The following DNAJC1 variants were observed in gnomAD, a reference collection of about 807,000 sequenced individuals.
DNAJC1 encodes the protein DnaJ heat shock protein family (Hsp40) member C1.
DNAJC1 carries 58 observed loss-of-function variants against 76.6 expected under a neutral mutation model. That is an observed-to-expected ratio of 0.76 (90% CI 0.61 to 0.94). The LOEUF (loss-of-function observed/expected upper bound fraction) is 0.94. Among genes scored for constraint, DNAJC1 ranks in the 40% least tolerant of loss-of-function variants. The probability of loss-of-function intolerance (pLI) is 0.00; values close to 1 mark genes in which losing one functional copy is unlikely to be tolerated. For missense variants in DNAJC1, 689 were observed against 677.3 expected, an observed-to-expected ratio of 1.02 and a Z score of -0.19; for synonymous variants, 258 against 267.9, an observed-to-expected ratio of 0.96 and a Z score of 0.36.
At chr10:21,959,329 T>C (rs1660164491) in intron 1 of DNAJC1, among the ~76,000 whole-genome samples, 1 of 151,628 alleles carries the variant, frequency 6.6e-6, no homozygotes, top group Non-Finnish European at 1.5e-5. Flanking sequence ...GGTTTCACCA[T>C]GTTGGCCAGG....
At chr10:21,977,586 A>C (rs1387596898) in intron 1 of DNAJC1, among the ~76,000 whole-genome samples, 3 of 152,188 alleles carry the variant, frequency 2.0e-5, no homozygotes, top group African/African-American at 7.2e-5. Flanking sequence ...TTTGAACTTG[A>C]GTTTAGAATT....
At chr10:21,821,843 GA>G (rs879615253) in intron 8 of DNAJC1, among the ~76,000 whole-genome samples, 308 of 127,460 alleles carry the variant, frequency 2.4e-3, no homozygotes, top group East Asian at 5.0e-3. Flanking sequence ...ACCTATTCAG[GA>G]AAAAAAAAAA....
At position 22,003,722 on chromosome 10, in the gene DNAJC1, C is replaced by A; in HGVS notation, c.-288G>T. The A allele has an allele frequency of 3.0e-6, 1 of 336,812 alleles. No homozygotes were observed. The highest frequency in any genetic ancestry group is 5.3e-6 in the Non-Finnish European group (1 of 187,610). The allele number at this position is 336,812 out of a possible 1,614,324, so 20.9% of individuals were successfully genotyped here. On this transcript the variant is annotated 5_prime_UTR_variant, in exon 1 of 12. Coordinates refer to ENST00000376980, the MANE Select transcript of DNAJC1 (RefSeq NM_022365.4). ...GTAGAGGCAGCGCCCGGCGCCTGGG[C>A]TGCACAGTGGGTGAGGCTTCCCTTC...
chr10:21,932,923 G>A (rs1368096486), intron 1 of DNAJC1, among the ~76,000 whole-genome samples: 3 of 152,152 alleles, frequency 2.0e-5, no homozygotes, highest in Non-Finnish European at 2.9e-5. Context: ...ATTAGCCAGT[G>A]CTGAATGGGG....
At chr10:21,898,808 T>A (rs1393222345) in intron 7 of DNAJC1, among the ~76,000 whole-genome samples, 1 of 151,490 alleles carries the variant, frequency 6.6e-6, no homozygotes, top group Non-Finnish European at 1.5e-5. Context: ...TTCCTAACAT[T>A]ACTTTAGAGA....
chr10:21,975,632 A>G, intron 1 of DNAJC1, among the ~76,000 whole-genome samples: 1 of 152,156 alleles, frequency 6.6e-6, no homozygotes. Flanking sequence ...AGTGTTTCAT[A>G]CTAGCTATCT....
rs779064120 is a variant in DNAJC1 at position 21,919,820 on chromosome 10, A to C, written c.635+12T>G. On this transcript the variant is annotated intron_variant, in intron 5 of 11. Transcript: ENST00000376980. ...CAGCTTCAAATTATAAAGTATTTTT[A>C]TATGCTCTCACCTTTCATTTTTTTC... 8 of 1,570,650 alleles carry C rather than the reference A, an allele frequency of 5.1e-6. No homozygotes were observed. Among genetic ancestry groups the C allele is most frequent in the Non-Finnish European group, 6.9e-6 (8 of 1,153,512 alleles).
chr10:21,947,665 C>T (rs1424107202), intron 1 of DNAJC1, among the ~76,000 whole-genome samples: 1 of 152,118 alleles, frequency 6.6e-6, no homozygotes, highest in African/African-American at 2.4e-5. Context: ...GCTGGGGGAT[C>T]GGCACCCCTA....
chr10:21,785,063 AAG>A (rs1834587520), intron 9 of DNAJC1, among the ~76,000 whole-genome samples: 1 of 152,174 alleles, frequency 6.6e-6, no homozygotes, highest in Non-Finnish European at 1.5e-5. Flanking sequence ...TAAAAGAAAA[AAG>A]AAAAAAAATC....
intron 6 of DNAJC1, among the ~76,000 whole-genome samples, chr10:21,917,092 G>A (rs1406701285): frequency 6.6e-6 from 1 of 151,946 alleles, no homozygotes; most frequent in African/African-American, 2.4e-5. Context: ...ATACCATCAA[G>A]TAAGTAAAAA....
At chr10:21,876,824 CA>C (rs2131715891) in intron 8 of DNAJC1, among the ~76,000 whole-genome samples, 1 of 152,230 alleles carries the variant, frequency 6.6e-6, no homozygotes, top group African/African-American at 2.4e-5. Context: ...TGTAGCAGGC[CA>C]AGGGTTTGGA....
intron 1 of DNAJC1, among the ~76,000 whole-genome samples, chr10:21,959,800 C>CAAA (rs199556961): frequency 0.026 from 3,549 of 138,850 alleles, 64 homozygotes; most frequent in Middle Eastern, 0.091. Context: ...AAAACAAAAA[C>CAAA]AAAAAAAAAA....
intron 1 of DNAJC1, among the ~76,000 whole-genome samples, chr10:21,974,051 G>A (rs1258670928): frequency 1.3e-5 from 2 of 148,952 alleles, no homozygotes; most frequent in African/African-American, 2.5e-5. Context: ...GCAGTGAGCC[G>A]AGATCACGCC....
intron 1 of DNAJC1, among the ~76,000 whole-genome samples, chr10:21,996,483 T>C (rs936890152): frequency 3.3e-5 from 5 of 152,224 alleles, no homozygotes; most frequent in African/African-American, 1.2e-4. Context: ...AATATGATTG[T>C]GAAATTAACC....
chr10:21,782,184 T>C (rs142425359), intron 9 of DNAJC1, among the ~76,000 whole-genome samples: 1 of 151,888 alleles, frequency 6.6e-6, no homozygotes, highest in South Asian at 2.1e-4. Context: ...ATCAAATAGA[T>C]GCAATAAAAA....
chr10:21,845,358 T>C (rs1279824700), intron 8 of DNAJC1, among the ~76,000 whole-genome samples: 1 of 34,938 alleles, frequency 2.9e-5, no homozygotes, highest in Non-Finnish European at 1.3e-4. Flanking sequence ...AATTAGAACT[T>C]TTTTTTTTTT....
intron 9 of DNAJC1, among the ~76,000 whole-genome samples, chr10:21,766,951 C>T (rs539246334): frequency 1.7e-3 from 229 of 138,652 alleles, no homozygotes; most frequent in African/African-American, 5.7e-3. Context: ...GCCTGGGCAT[C>T]GGAGTGAGAC....
intron 1 of DNAJC1, among the ~76,000 whole-genome samples, chr10:21,938,503 C>G (rs1590057867): frequency 6.6e-6 from 1 of 152,260 alleles, no homozygotes; most frequent in East Asian, 1.9e-4. Context: ...CAAACTGTTT[C>G]TGTAAAGGGA....
At chr10:21,976,385 C>T (rs1838062775) in intron 1 of DNAJC1, among the ~76,000 whole-genome samples, 1 of 152,136 alleles carries the variant, frequency 6.6e-6, no homozygotes, top group Non-Finnish European at 1.5e-5. Flanking sequence ...ATTGTTCAGT[C>T]GTAAACTAAG....
Sources: gnomAD v4.1 joint callset for allele counts (sites outside exome capture counted in the v4.1 genomes callset) on GRCh38, gnomAD v4.1.1 for gene constraint, MANE v1.5 for transcripts, NCBI Gene and HGNC (gene_info 2026-07-23, HGNC 2026-07-21) for gene names.